CNTNAP5: variants seen among roughly 807,000 people sequenced by gnomAD.
The protein encoded by CNTNAP5 is contactin-associated protein-like 5.
In CNTNAP5, 72 loss-of-function variants were observed where a neutral mutation model predicts 150.2. That is an observed-to-expected ratio of 0.48 (90% CI 0.40 to 0.58). The LOEUF (loss-of-function observed/expected upper bound fraction) is 0.58. Ranked by LOEUF, CNTNAP5 falls within the 20% of genes least tolerant of loss-of-function variation. The pLI, the probability that CNTNAP5 is intolerant of heterozygous loss-of-function variation, is 0.00. For synonymous variants in CNTNAP5, 672 were observed against 619.8 expected, an observed-to-expected ratio of 1.08 and a Z score of -1.25; for missense variants, 1,636 against 1,626.2, an observed-to-expected ratio of 1.01 and a Z score of -0.10.
intron 21 of CNTNAP5, among the ~76,000 whole-genome samples, chr2:124,892,997 G>A (rs1678230712): frequency 6.6e-6 from 1 of 152,112 alleles, no homozygotes; most frequent in Non-Finnish European, 1.5e-5. Flanking sequence ...GACTCTCTGG[G>A]ATGGGCAAAG....
intron 10 of CNTNAP5, among the ~76,000 whole-genome samples, chr2:124,538,504 AGACTCTGTC>A (rs1490403503): frequency 6.6e-6 from 1 of 151,572 alleles, no homozygotes; most frequent in African/African-American, 2.4e-5. Flanking sequence ...AGAGAAAGAG[AGACTCTGTC>A]AGAAAAGAAA....
chr2:124,604,880 T>G (rs753415024), intron 11 of CNTNAP5, among the ~76,000 whole-genome samples: 1 of 152,180 alleles, frequency 6.6e-6, no homozygotes, highest in Non-Finnish European at 1.5e-5. Flanking sequence ...TATTTTATGT[T>G]CACATCCCAT....
chr2:124,317,628 A>T (rs745674498), intron 3 of CNTNAP5, among the ~76,000 whole-genome samples: 1 of 152,164 alleles, frequency 6.6e-6, no homozygotes, highest in African/African-American at 2.4e-5. Context: ...CTGCTTTAAT[A>T]ATTCTGTATA....
intron 13 of CNTNAP5, among the ~76,000 whole-genome samples, chr2:124,666,877 G>A (rs931431655): frequency 9.9e-5 from 15 of 152,096 alleles, no homozygotes; most frequent in African/African-American, 2.7e-4. Context: ...TGCATATTTT[G>A]TGCTTGAAAT....
At chr2:124,892,925 T>A (rs1678229102) in intron 21 of CNTNAP5, among the ~76,000 whole-genome samples, 1 of 152,120 alleles carries the variant, frequency 6.6e-6, no homozygotes, top group Non-Finnish European at 1.5e-5. Context: ...TCATCACGCA[T>A]TATCACCTTA....
chr2:124,446,268 G>A (rs1037206455), intron 5 of CNTNAP5, among the ~76,000 whole-genome samples: 1 of 152,090 alleles, frequency 6.6e-6, no homozygotes, highest in Admixed American at 6.6e-5. Context: ...GCATACAGTA[G>A]GTACTCAGCC....
At chr2:124,134,978 G>A (rs1272429983) in intron 1 of CNTNAP5, 1 of 152,112 alleles carries the variant, frequency 6.6e-6, no homozygotes, top group Non-Finnish European at 1.5e-5. Flanking sequence ...CAGATTGTTG[G>A]GAGAATTACA....
chr2:124,817,988 C>T (rs1184034579), intron 19 of CNTNAP5, among the ~76,000 whole-genome samples: 1 of 152,198 alleles, frequency 6.6e-6, no homozygotes, highest in Non-Finnish European at 1.5e-5. Context: ...CACATTCTCA[C>T]ACACTGCAGC....
At chr2:124,421,079 T>C (rs1236517247) in intron 4 of CNTNAP5, among the ~76,000 whole-genome samples, 1 of 152,178 alleles carries the variant, frequency 6.6e-6, no homozygotes, top group East Asian at 1.9e-4. Context: ...TAATTGGCTA[T>C]CTCAGTTTGC....
Position 124,917,562 on chromosome 2 carries a change from A to G in CNTNAP5, c.*3274A>G, listed in dbSNP as rs1678795343. Among the ~76,000 whole-genome samples, 1 of 152,072 alleles carries G rather than the reference A, an allele frequency of 6.6e-6. No homozygotes were observed. The highest frequency in any genetic ancestry group is 1.5e-5 in the Non-Finnish European group (1 of 67,988). ...AAGGATCCTAGCGGTGATGTTTTAA[A>G]ACAACTTTTTTCCTCTCCTTAGTAA... On this transcript the variant is annotated 3_prime_UTR_variant, in exon 24 of 24. Transcript: ENST00000682447.
rs1449817754 is a variant in CNTNAP5 at position 124,527,422 on chromosome 2, G to C, written c.1615G>C (p.Asp539His). Residue 539 changes from aspartate (D) to histidine (H), a missense_variant, in exon 10 of 24, where the codon GAT (aspartate) becomes CAT (histidine). Physicochemically the swap from Asp to His is moderately conservative, Grantham distance 81. Transcript: ENST00000682447. ...VQQGSLGNFS[D>H]LHIDLCSIKD... ...GCAAGGTTCCCTGGGGAATTTTAGT[G>C]ATTTACACATTGATCTGTGTAGCAT... 2 of 1,613,552 alleles carry C rather than the reference G, an allele frequency of 1.2e-6. No homozygotes were observed. The highest frequency in any genetic ancestry group is 1.7e-6 in the Non-Finnish European group (2 of 1,179,694).
chr2:124,377,076 AAAG>A (rs1374033261), intron 3 of CNTNAP5, among the ~76,000 whole-genome samples: 1 of 152,108 alleles, frequency 6.6e-6, no homozygotes, highest in African/African-American at 2.4e-5. Flanking sequence ...CTCCAAGGAG[AAAG>A]AAGTTGGAAA....
chr2:124,237,449 C>A (rs963713676), intron 2 of CNTNAP5, among the ~76,000 whole-genome samples: 4 of 152,106 alleles, frequency 2.6e-5, no homozygotes, highest in Non-Finnish European at 5.9e-5. Flanking sequence ...GTTTGGAATG[C>A]AGGATTAGCA....
chr2:124,881,129 C>A (rs985358621), intron 21 of CNTNAP5, among the ~76,000 whole-genome samples: 7 of 152,072 alleles, frequency 4.6e-5, no homozygotes, highest in African/African-American at 1.7e-4. Context: ...CATTCAGAAT[C>A]TATTGTGTAG....
In CNTNAP5 at chr2:124,916,214, A is replaced by G. The variant is rs1046334994; in HGVS notation, c.*1926A>G. ...TGAGCTCAATCGCTTTATCATCTAC[A>G]TGATATCTTTTGGCTAGTACATTTA... is the stretch of plus-strand genomic sequence containing the variant. On this transcript the variant is annotated 3_prime_UTR_variant, in exon 24 of 24. Coordinates refer to ENST00000682447, the MANE Select transcript of CNTNAP5 (RefSeq NM_001367498.1). Among the ~76,000 whole-genome samples, 8 of 152,100 alleles carry G rather than the reference A, an allele frequency of 5.3e-5. No individual in the cohort carries two copies. Among genetic ancestry groups the G allele is most frequent in the African/African-American group, 1.9e-4 (8 of 41,440 alleles).
chr2:124,446,670 G>A, intron 5 of CNTNAP5, 83 bp from the exon 6 acceptor site: 1 of 1,347,946 alleles, frequency 7.4e-7, no homozygotes, highest in South Asian at 1.3e-5. Context: ...AACAGATATA[G>A]CTGCTTTTGC....
chr2:124,469,893 A>G (rs774237313), intron 6 of CNTNAP5, among the ~76,000 whole-genome samples: 2 of 152,172 alleles, frequency 1.3e-5, no homozygotes, highest in Non-Finnish European at 2.9e-5. Context: ...TGTTCCTGCA[A>G]AGGACATGAT....
rs1403812505 is a variant in CNTNAP5 at position 124,915,942 on chromosome 2, AT to A, written c.*1657del. On this transcript the variant is annotated 3_prime_UTR_variant, in exon 24 of 24. Transcript: ENST00000682447. ...TGATTCTCTTTATGAGGCAGATTCA[AT>A]TTAGAAAACAATGACCACAGCTCTA... Among the ~76,000 whole-genome samples, 2 of 152,042 alleles carry A rather than the reference AT, an allele frequency of 1.3e-5. No homozygotes were observed. Among genetic ancestry groups the A allele is most frequent in the Non-Finnish European group, 2.9e-5 (2 of 67,976 alleles).
At chr2:124,835,111 A>G (rs1475650079) in intron 19 of CNTNAP5, among the ~76,000 whole-genome samples, 1 of 152,162 alleles carries the variant, frequency 6.6e-6, no homozygotes, top group Non-Finnish European at 1.5e-5. Context: ...AGATACTTAA[A>G]TGCAAATGTA....
Sources: gnomAD v4.1 joint callset for allele counts (sites outside exome capture counted in the v4.1 genomes callset) on GRCh38, gnomAD v4.1.1 for gene constraint, MANE v1.5 for transcripts, NCBI Gene and HGNC (gene_info 2026-07-23, HGNC 2026-07-21) for gene names.